Variants in PTPN6 observed in about 807,000 individuals in gnomAD.
PTPN6 encodes the protein tyrosine-protein phosphatase non-receptor type 6.
In PTPN6, 18 loss-of-function variants were observed where a neutral mutation model predicts 81.5. The ratio of observed to expected loss-of-function variants is 0.22; its 90% CI spans 0.15 to 0.33. The LOEUF is 0.33. Ranked by LOEUF, PTPN6 falls within the 10% of genes least tolerant of loss-of-function variation. PTPN6 has a pLI of 1.00. For synonymous variants in PTPN6, 301 were observed against 310.9 expected (o/e 0.97, Z 0.33); for missense variants, 500 against 794.2 (o/e 0.63, Z 4.45).
chr12:6,954,639 C>T lies in PTPN6; in HGVS notation c.327-166C>T, dbSNP rs1270672483. On this transcript the variant is annotated intron_variant, in intron 3 of 15. Transcript: ENST00000318974. This position sits in a 1 kb window ranked among gnomAD's most constrained non-coding sequence, Gnocchi z 5.4. ...TGGGGGTAATATCATACCTAGCTCT[C>T]AGCATGTTTGTGAGAGACCTAAATG... is the stretch of plus-strand genomic sequence containing the variant. Among the ~76,000 whole-genome samples the T allele has an allele frequency of 1.1e-4, 16 of 152,206 alleles. No individual in the cohort carries two copies. Among genetic ancestry groups the T allele is most frequent in the Admixed American group, 1.0e-3 (16 of 15,282 alleles).
upstream of PTPN6, chr12:6,946,854 G>A: frequency 1.6e-6 from 2 of 1,219,888 alleles, no homozygotes; most frequent in South Asian, 2.6e-5. Context: ...CCGCTGCCCT[G>A]CGCCTGTTTC....
In PTPN6 at chr12:6,955,850, G is replaced by A; in HGVS notation, c.844+94G>A. The A allele has an allele frequency of 4.1e-6, 5 of 1,216,966 alleles. No individual in the cohort carries two copies. The highest frequency in any genetic ancestry group is 3.7e-5 in the South Asian group (3 of 81,346). The allele number at this position is 1,216,966 out of a possible 1,614,324, so 75.4% of individuals were successfully genotyped here. A position where few individuals can be genotyped will look rare whatever the true frequency, so the allele number is the denominator to read the frequency against. On this transcript the variant is annotated intron_variant, in intron 7 of 15. Coordinates refer to ENST00000318974, the MANE Select transcript of PTPN6 (RefSeq NM_002831.6). This position sits in a 1 kb window ranked among gnomAD's most constrained non-coding sequence, Gnocchi z 7.2. Reference sequence around the variant, plus strand: ...AGGTCTCCACCCTCCACGCCAGGAGGGGCCATCTCCCCACACCCCCCACAG... The same window carrying A: ...AGGTCTCCACCCTCCACGCCAGGAGAGGCCATCTCCCCACACCCCCCACAG...
chr12:6,950,197 G>C (rs1782613788), upstream of PTPN6, among the ~76,000 whole-genome samples: 1 of 151,074 alleles, frequency 6.6e-6, no homozygotes, highest in Non-Finnish European at 1.5e-5. Context: ...TTTTATAAAG[G>C]TAATGCATGC....
rs1412664388 is a variant in PTPN6 at position 6,957,476 on chromosome 12, C to T, written c.1075-178C>T. On this transcript the variant is annotated intron_variant, in intron 9 of 15. Transcript: ENST00000318974. The surrounding 1 kb of genome is among the most constrained non-coding windows in gnomAD (Gnocchi z 6.5). ...CGGTGAAGTGGCTGGCCAGGCCTCA[C>T]CACCTGTTGGTGGTTGATCTGAGAC... Among the ~76,000 whole-genome samples the T allele has an allele frequency of 1.3e-5, 2 of 152,228 alleles. No individual in the cohort carries two copies. The highest frequency in any genetic ancestry group is 2.9e-5 in the Non-Finnish European group (2 of 68,040).
At chr12:6,951,205 C>A, upstream of PTPN6, 1 of 1,402,138 alleles carries the variant, frequency 7.1e-7, no homozygotes, top group South Asian at 1.5e-5. This position sits in a 1 kb window ranked among gnomAD's most constrained non-coding sequence, Gnocchi z 7.2. Context: ...TGATTGCAGA[C>A]GTGTGGGAAG....
upstream of PTPN6, chr12:6,946,829 C>T (rs1591678978): frequency 2.9e-6 from 4 of 1,380,264 alleles, no homozygotes; most frequent in Non-Finnish European, 4.0e-6. Flanking sequence ...CGTGTGTGAA[C>T]GTGAGTGCGA....
chr12:6,951,984 G>A lies in PTPN6; in HGVS notation c.133G>A (p.Val45Met), dbSNP rs1555147854. Residue 45 changes from valine to methionine, a missense_variant and splice_region_variant, in exon 3 of 16, where the codon GTG becomes ATG. This residue lies in a region of PTPN6 where 98 missense variants were observed against 199.2 expected (regional missense o/e 0.49). Transcript: ENST00000318974. This position sits in a 1 kb window ranked among gnomAD's most constrained non-coding sequence, Gnocchi z 7.2. Reference protein sequence around the residue: ...NQGDFSLSVRVGDQVTHIRIQ... With the variant: ...NQGDFSLSVRMGDQVTHIRIQ... ...GCCTCACCGCCTGGTGCCCTGCAGG[G>A]TGGGGGATCAGGTGACCCATATTCG... The A allele has an allele frequency of 6.2e-7, 1 of 1,614,064 alleles. No individual in the cohort carries two copies.
rs1946028274 is a variant in PTPN6 at position 6,956,246 on chromosome 12, G to C, written c.924+25G>C. 2 of 1,612,648 alleles carry C rather than the reference G, an allele frequency of 1.2e-6. No homozygotes were observed. Among genetic ancestry groups the C allele is most frequent in the African/African-American group, 2.7e-5 (2 of 74,892 alleles). ...GGTCAGCAGTGTGGGCCACGTGGGAGGAGAGGCTGGGCCCTGGGAATTCCC... is the reference window on the plus strand; with the variant it reads ...GGTCAGCAGTGTGGGCCACGTGGGACGAGAGGCTGGGCCCTGGGAATTCCC... On this transcript the variant is annotated intron_variant, in intron 8 of 15. Transcript: ENST00000318974. This position sits in a 1 kb window ranked among gnomAD's most constrained non-coding sequence, Gnocchi z 4.1.
Position 6,959,515 on chromosome 12 carries a change from A to T in PTPN6, c.1362-412A>T. ...CCCTGACGTCAGGGTTTGAAGGAAA[A>T]GGGAAGTGAAGCCATGCTGAGAGAC... On this transcript the variant is annotated intron_variant, in intron 11 of 15. Coordinates refer to ENST00000318974, the MANE Select transcript of PTPN6 (RefSeq NM_002831.6). The surrounding 1 kb of genome is among the most constrained non-coding windows in gnomAD (Gnocchi z 6.6). The T allele has an allele frequency of 3.1e-6, 1 of 320,086 alleles. No individual in the cohort carries two copies. The highest frequency in any genetic ancestry group is 6.0e-6 in the Non-Finnish European group (1 of 166,224). 19.8% of individuals were successfully genotyped at this position (320,086 alleles called of 1,614,324 possible).
rs1555149395 is a variant in PTPN6 at position 6,959,939 on chromosome 12, C to A, written c.1374C>A (p.Gly458=). Residue 458 remains glycine, a synonymous_variant, in exon 12 of 16, where the codon GGC becomes GGA. Transcript: ENST00000318974. The surrounding 1 kb of genome is among the most constrained non-coding windows in gnomAD (Gnocchi z 6.6). ...CGTCTTTCCCCAGCGCCGGCATCGG[C>A]CGCACAGGCACCATCATTGTCATCG... ...PIIVHCSAGI[G]RTGTIIVIDM... is the part of the protein sequence containing the mutation. 5 of 1,610,830 alleles carry A rather than the reference C, an allele frequency of 3.1e-6. No homozygotes were observed. The South Asian group carries it at 3.3e-5, about 11-fold the overall frequency.
chr12:6,947,648 G>A (rs968005755), upstream of PTPN6, among the ~76,000 whole-genome samples: 14 of 142,220 alleles, frequency 9.8e-5, no homozygotes, highest in Non-Finnish European at 2.0e-4. Context: ...CAGCCTGGGC[G>A]ACAGAGTGAG....
At position 6,959,941 on chromosome 12, in the gene PTPN6, G is replaced by C. The variant is rs1591692944; in HGVS notation, c.1376G>C (p.Arg459Pro). The part of the protein sequence containing the change: ...IIVHCSAGIG[R>P]TGTIIVIDML... ...TCTTTCCCCAGCGCCGGCATCGGCC[G>C]CACAGGCACCATCATTGTCATCGAC... Residue 459 changes from arginine (R) to proline (P), a missense_variant, in exon 12 of 16, where the codon CGC becomes CCC. By Grantham distance (103) the Arg-to-Pro change is moderately radical. This residue lies in a region of PTPN6 where 226 missense variants were observed against 364.4 expected (regional missense o/e 0.62). Transcript: ENST00000318974. The surrounding 1 kb of genome is among the most constrained non-coding windows in gnomAD (Gnocchi z 6.6). 1 of 1,604,494 alleles carries C rather than the reference G, an allele frequency of 6.2e-7. No individual in the cohort carries two copies. Among genetic ancestry groups the C allele is most frequent in the Non-Finnish European group, 8.5e-7 (1 of 1,176,820 alleles).
chr12:6,951,599 G>T lies in PTPN6; in HGVS notation c.9-10G>T, dbSNP rs1555147745. 1 of 1,613,808 alleles carries T rather than the reference G, an allele frequency of 6.2e-7. No individual in the cohort carries two copies. The highest frequency in any genetic ancestry group is 1.7e-5 in the Admixed American group (1 of 59,994). ...GGACCCCTCCTCACTGCCCTGCCTG[G>T]GCCGCCCAGGTGGTTTCACCGAGAC... On this transcript the variant is annotated splice_polypyrimidine_tract_variant and intron_variant, in intron 1 of 15. Transcript: ENST00000318974. The surrounding 1 kb of genome is among the most constrained non-coding windows in gnomAD (Gnocchi z 7.2).
At position 6,955,514 on chromosome 12, in the gene PTPN6, G is replaced by A. The variant is rs376383265; in HGVS notation, c.747+29G>A. The A allele has an allele frequency of 2.3e-4, 364 of 1,607,900 alleles. No individual in the cohort carries two copies. In the African/African-American group the frequency reaches 4.1e-3, roughly 18 times the overall value. On this transcript the variant is annotated intron_variant, in intron 6 of 15. Coordinates refer to ENST00000318974, the MANE Select transcript of PTPN6 (RefSeq NM_002831.6). This position sits in a 1 kb window ranked among gnomAD's most constrained non-coding sequence, Gnocchi z 7.2. ...CATGGTGGGGACCGGCAGGGCTGGG[G>A]CAGCTGAGGTGGTGGCAGCGGCCTG... is the stretch of plus-strand genomic sequence containing the variant.
upstream of PTPN6, chr12:6,951,236 A>G: frequency 7.0e-7 from 1 of 1,425,024 alleles, no homozygotes; most frequent in Non-Finnish European, 9.2e-7. This position sits in a 1 kb window ranked among gnomAD's most constrained non-coding sequence, Gnocchi z 7.2. Flanking sequence ...CCCCACCCCC[A>G]GTGCCACCCT....
In PTPN6 at chr12:6,956,665, G is replaced by A; in HGVS notation, c.1074+97G>A. 5.3e-6 allele frequency: 8 copies of A among 1,523,366 alleles called. No individual in the cohort carries two copies. Among genetic ancestry groups the A allele is most frequent in the Non-Finnish European group, 6.3e-6 (7 of 1,111,682 alleles). The allele number at this position is 1,523,366 out of a possible 1,614,324, so 94.4% of individuals were successfully genotyped here. A position where few individuals can be genotyped will look rare whatever the true frequency, so the allele number is the denominator to read the frequency against. ...ATGCCAGGGCAGAAAGGGATCTCAGGGGTGAGGGTCCGGCCCTTGTTGGGA... is the reference window on the plus strand; with the variant it reads ...ATGCCAGGGCAGAAAGGGATCTCAGAGGTGAGGGTCCGGCCCTTGTTGGGA... On this transcript the variant is annotated intron_variant, in intron 9 of 15. Transcript: ENST00000318974. This position sits in a 1 kb window ranked among gnomAD's most constrained non-coding sequence, Gnocchi z 4.1.
upstream of PTPN6, among the ~76,000 whole-genome samples, chr12:6,951,100 C>T (rs145458201): frequency 5.3e-5 from 8 of 152,272 alleles, no homozygotes; most frequent in African/African-American, 1.7e-4. This position sits in a 1 kb window ranked among gnomAD's most constrained non-coding sequence, Gnocchi z 7.2. Flanking sequence ...GGTTCGCATG[C>T]GTGAAGTATT....
At chr12:6,948,757 G>C (rs1347855175), upstream of PTPN6, among the ~76,000 whole-genome samples, 2 of 151,822 alleles carry the variant, frequency 1.3e-5, no homozygotes, top group South Asian at 2.1e-4. Flanking sequence ...TGGCCAACAT[G>C]GTGAAACCCT....
Position 6,961,273 on chromosome 12 carries a change from G to A in PTPN6, c.*173G>A. 1 of 352,922 alleles carries A rather than the reference G, an allele frequency of 2.8e-6. No homozygotes were observed. Among genetic ancestry groups the A allele is most frequent in the Non-Finnish European group, 5.5e-6 (1 of 180,334 alleles). 21.9% of individuals were successfully genotyped at this position (352,922 alleles called of 1,614,324 possible). A position where few individuals can be genotyped will look rare whatever the true frequency, so the allele number is the denominator to read the frequency against. ...ATAGCCCAGCCAGGCCCCAGGCAGG[G>A]CCAACCCTTCTCCTCTTGTAAATAA... On this transcript the variant is annotated 3_prime_UTR_variant, in exon 16 of 16. Coordinates refer to ENST00000318974, the MANE Select transcript of PTPN6 (RefSeq NM_002831.6).
Sources: gnomAD v4.1 joint callset for allele counts (sites outside exome capture counted in the v4.1 genomes callset) on GRCh38, gnomAD v4.1.1 for gene constraint, gnomAD v4.1.1 regional missense constraint, Gnocchi (gnomAD v3.1) non-coding constraint, MANE v1.5 for transcripts, NCBI Gene and HGNC (gene_info 2026-07-23, HGNC 2026-07-21) for gene names.